Variants in GALK1 observed in about 807,000 individuals in gnomAD.
The protein encoded by GALK1 is galactokinase 1, also known as galactokinase.
Under a neutral mutation model 38.6 loss-of-function variants are expected in GALK1, and 30 were observed. The ratio of observed to expected loss-of-function variants is 0.78; its 90% CI spans 0.58 to 1.05. GALK1 has a LOEUF of 1.05. GALK1 is among the 50% of genes least tolerant of loss of function. The pLI, the probability that GALK1 is intolerant of heterozygous loss-of-function variation, is 0.00. For synonymous variants in GALK1, 240 were observed against 233.6 expected, an observed-to-expected ratio of 1.03 and a Z score of -0.25; for missense variants, 512 against 540.5, an observed-to-expected ratio of 0.95 and a Z score of 0.52.
chr17:75,765,147 T>G lies in GALK1; in HGVS notation c.-11A>C. 1 of 1,547,246 alleles carries G rather than the reference T, an allele frequency of 6.5e-7. No homozygotes were observed. The highest frequency in any genetic ancestry group is 8.7e-7 in the Non-Finnish European group (1 of 1,148,942). ...TCTCAAAGCAGCCATGACGCGCGCC[T>G]GCAGCTCTGCACAGCTGCTCCGGCA... On this transcript the variant is annotated 5_prime_UTR_variant, in exon 1 of 8. Coordinates refer to ENST00000588479, the MANE Select transcript of GALK1 (RefSeq NM_000154.2).
chr17:75,755,774 CAG>C (rs1178371226), downstream of GALK1: 4 of 1,612,544 alleles, frequency 2.5e-6, no homozygotes, highest in African/African-American at 5.3e-5. Context: ...CCACATCTCT[CAG>C]AGTGAGCTGG....
downstream of GALK1, chr17:75,754,569 C>A (rs376011638): frequency 6.2e-7 from 1 of 1,613,522 alleles, no homozygotes; most frequent in Admixed American, 1.7e-5. Context: ...CTGCTCTCCC[C>A]CTGCAGAGCA....
At chr17:75,764,875 C>T (rs1277540295) in intron 1 of GALK1, 97 bp downstream of exon 1, 4 of 1,372,760 alleles carry the variant, frequency 2.9e-6, no homozygotes, top group African/African-American at 2.9e-5. Context: ...CCACATCTCC[C>T]GCGGGAAGAA....
At chr17:75,754,973 T>C (rs897532182), downstream of GALK1, 7 of 1,534,208 alleles carry the variant, frequency 4.6e-6, no homozygotes, top group Admixed American at 7.2e-5. Context: ...CATGCACACA[T>C]GTACACAGAC....
At chr17:75,753,750 T>A, downstream of GALK1, 1 of 1,413,682 alleles carries the variant, frequency 7.1e-7, no homozygotes. Context: ...AACGCGGCCC[T>A]TCGTTGTTCC....
downstream of GALK1, chr17:75,756,932 T>C (rs774785239): frequency 3.1e-6 from 5 of 1,612,308 alleles, no homozygotes; most frequent in Non-Finnish European, 4.2e-6. Context: ...GAAGGCATCT[T>C]CCCTGCTCAG....
In GALK1 at chr17:75,764,049, C is replaced by A. The variant is rs754230597; in HGVS notation, c.203G>T (p.Arg68Leu). 14 of 1,595,958 alleles carry A rather than the reference C, an allele frequency of 8.8e-6. No individual in the cohort carries two copies. The highest frequency in any genetic ancestry group is 1.3e-5 in the African/African-American group (1 of 74,692). Residue 68 changes from arginine (R) to leucine (L), a missense_variant, in exon 2 of 8, where the codon CGC becomes CTC. By Grantham distance (102) the Arg-to-Leu change is moderately radical (BLOSUM62 -2). Transcript: ENST00000588479. ...ELMTVLVGSP[R>L]KDGLVSLLTT... ...GAGGAGAGACACCAGCCCATCCTTG[C>A]GGGGGCTGCCCACCAGCACCGTCAT... is the stretch of plus-strand genomic sequence containing the variant.
chr17:75,764,071 T>C lies in GALK1; in HGVS notation c.181A>G (p.Thr61Ala). 1.3e-6 allele frequency: 2 copies of C among 1,584,978 alleles called. No individual in the cohort carries two copies. Among genetic ancestry groups the C allele is most frequent in the Non-Finnish European group, 1.7e-6 (2 of 1,168,532 alleles). ...LVLPMALELM[T>A]VLVGSPRKDG... ...TTGCGGGGGCTGCCCACCAGCACCG[T>C]CATGAGCTCCAGAGCCTGGCAGGAG... The change falls in exon 2 of 8, where the codon ACG (threonine) becomes GCG (alanine). Residue 61 changes from threonine (T) to alanine (A), a missense_variant. By Grantham distance (58) the Thr-to-Ala change is moderately conservative. Coordinates refer to ENST00000588479, the MANE Select transcript of GALK1 (RefSeq NM_000154.2).
At chr17:75,764,406 T>C (rs756043671) in intron 1 of GALK1, 4 of 610,214 alleles carry the variant, frequency 6.6e-6, no homozygotes, top group African/African-American at 5.4e-5. Flanking sequence ...GGGGTGGCTC[T>C]GGACATCCTG....
In GALK1 at chr17:75,758,091, G is replaced by A. The variant is rs111033608; in HGVS notation, c.1144C>T (p.Gln382Ter). ...YGGTATFYLSQAADGAKVLCL is the reference protein window; with the variant it reads ...YGGTATFYLS ...AGCACCTTGGCTCCATCGGCTGCTT[G>A]AGAGAGGTAGAAGGTGGCAGTCCCG... The change falls in exon 8 of 8, where the codon CAA becomes TAA. Residue 382 changes from glutamine (Q) to a stop codon, truncating the protein, a stop_gained. Transcript: ENST00000588479. LOFTEE classifies it high-confidence loss of function. 25 of 1,612,334 alleles carry A rather than the reference G, an allele frequency of 1.6e-5. No individual in the cohort carries two copies. In the Admixed American group the frequency reaches 3.8e-4, roughly 25 times the overall value.
downstream of GALK1, chr17:75,754,041 G>A: frequency 1.3e-6 from 1 of 749,274 alleles, no homozygotes; most frequent in South Asian, 4.6e-5. Flanking sequence ...GAGGGCCTGG[G>A]GTGGGCGTCT....
intron 5 of GALK1, among the ~76,000 whole-genome samples, chr17:75,760,810 C>T (rs2061584326): frequency 1.3e-5 from 2 of 150,626 alleles, no homozygotes; most frequent in Admixed American, 1.3e-4. Flanking sequence ...AAACCGGGTG[C>T]CTTTGGTTGC....
chr17:75,757,056 G>A (rs769490779), downstream of GALK1: 11 of 1,612,716 alleles, frequency 6.8e-6, no homozygotes, highest in Middle Eastern at 1.6e-4. Flanking sequence ...GACCACTGAG[G>A]GCTTCGGGCC....
At chr17:75,753,651 A>C, downstream of GALK1, 133 of 593,520 alleles carry the variant, frequency 2.2e-4, no homozygotes, top group South Asian at 2.9e-4. Flanking sequence ...ACACCCCGGG[A>C]TCCCGGGAGC....
At chr17:75,757,785 G>A, downstream of GALK1, 1 of 677,176 alleles carries the variant, frequency 1.5e-6, no homozygotes, top group South Asian at 1.8e-5. Flanking sequence ...CCCAGCCTTT[G>A]TTCTGCACTT....
rs1380102815 is a variant in GALK1, at chr17:75,758,263, T to G, written c.1054A>C (p.Thr352Pro). The G allele has an allele frequency of 3.1e-6, 5 of 1,597,518 alleles. No individual in the cohort carries two copies. Among genetic ancestry groups the G allele is most frequent in the Non-Finnish European group, 4.3e-6 (5 of 1,173,132 alleles). The change falls in exon 7 of 8, where the codon ACG (threonine) becomes CCG (proline). Residue 352 changes from threonine to proline, a missense_variant. Physicochemically the swap from Thr to Pro is conservative, Grantham distance 38 (BLOSUM62 -1). Transcript: ENST00000588479. ...RMTGGGFGGC[T>P]VTLLEASAAP... ...GCGGAGGCCTCCAGCAGTGTCACCG[T>G]GCAGCCACCGAAGCCACCGCCCGTC...
At chr17:75,757,449 CAGGCGG>C, downstream of GALK1, 2 of 1,612,458 alleles carry the variant, frequency 1.2e-6, no homozygotes, top group Non-Finnish European at 1.7e-6. Context: ...CACCTGGAGG[CAGGCGG>C]CTCCCTCACC....
At chr17:75,754,686 G>A (rs1208377507), downstream of GALK1, 10 of 1,614,058 alleles carry the variant, frequency 6.2e-6, no homozygotes, top group Middle Eastern at 1.6e-4. Flanking sequence ...GAGCCCACAC[G>A]TGCCCCACCG....
At chr17:75,757,649 G>A (rs777644213), downstream of GALK1, 6 of 1,550,886 alleles carry the variant, frequency 3.9e-6, no homozygotes, top group South Asian at 1.1e-5. Flanking sequence ...GCACCCCTGG[G>A]GGCCCAGCCC....
Sources: allele counts gnomAD v4.1 joint callset (sites outside exome capture counted in the v4.1 genomes callset), GRCh38; gene constraint gnomAD v4.1.1; transcripts MANE v1.5; gene names NCBI Gene and HGNC (gene_info 2026-07-23, HGNC 2026-07-21).